The following KCND2 variants were observed in gnomAD, a reference collection of about 807,000 sequenced individuals.
The protein encoded by KCND2 is potassium voltage-gated channel subfamily D member 2, also known as A-type voltage-gated potassium channel KCND2.
KCND2 carries 16 observed loss-of-function variants against 54.4 expected under a neutral mutation model. The observed-to-expected ratio is 0.29, with a 90% CI of 0.20 to 0.45. The LOEUF is 0.45. Ranked by LOEUF, KCND2 falls within the 20% of genes least tolerant of loss-of-function variation. KCND2 has a pLI of 1.00. For synonymous variants in KCND2, 317 were observed against 310.7 expected, an observed-to-expected ratio of 1.02 and a Z score of -0.21; for missense variants, 486 against 824.2, an observed-to-expected ratio of 0.59 and a Z score of 5.02.
At chr7:120,674,876 G>A (rs1388763068) in intron 1 of KCND2, among the ~76,000 whole-genome samples, 1 of 152,082 alleles carries the variant, frequency 6.6e-6, no homozygotes, top group Non-Finnish European at 1.5e-5. Flanking sequence ...AAATAGTAAA[G>A]TATACCTTTG....
At chr7:120,276,552 T>A (rs910129337) in intron 1 of KCND2, among the ~76,000 whole-genome samples, 1 of 152,182 alleles carries the variant, frequency 6.6e-6, no homozygotes, top group Non-Finnish European at 1.5e-5. Flanking sequence ...GTAAGATTGA[T>A]GGTCACCAAG....
At position 120,480,837 on chromosome 7, in the gene KCND2, G is replaced by A. The variant is rs574162521; in HGVS notation, c.1115+205090G>A. On this transcript the variant is annotated intron_variant, in intron 1 of 5. Transcript: ENST00000331113. ...AGAAAATAAACTAAGAAAGAACATC[G>A]GTACCAAGAAGTGGGGCTGTTGCTA... 4.5e-4 allele frequency among the ~76,000 whole-genome samples: 69 copies of A among 152,232 alleles called. No individual in the cohort carries two copies. In the South Asian group the frequency reaches 7.1e-3, roughly 16 times the overall value.
chr7:120,349,119 T>A (rs576016517), intron 1 of KCND2, among the ~76,000 whole-genome samples: 2 of 152,180 alleles, frequency 1.3e-5, no homozygotes, highest in African/African-American at 4.8e-5. Context: ...GGGAAACTTA[T>A]ACTACTTGCA....
intron 1 of KCND2, among the ~76,000 whole-genome samples, chr7:120,439,993 AT>A (rs1227071415): frequency 2.0e-5 from 3 of 152,006 alleles, no homozygotes; most frequent in African/African-American, 7.2e-5. Context: ...TACTGATTTC[AT>A]TTCCTTTGGA....
chr7:120,366,367 C>T (rs1016830344), intron 1 of KCND2, among the ~76,000 whole-genome samples: 1 of 151,328 alleles, frequency 6.6e-6, no homozygotes, highest in African/African-American at 2.4e-5. Context: ...TGCCTGTATT[C>T]TCAGCTGCTA....
At chr7:120,334,709 C>T (rs1428464059) in intron 1 of KCND2, among the ~76,000 whole-genome samples, 1 of 152,130 alleles carries the variant, frequency 6.6e-6, no homozygotes. Context: ...ATATATTTCA[C>T]CTCATCTTAA....
chr7:120,455,228 A>G (rs902774258), intron 1 of KCND2, among the ~76,000 whole-genome samples: 6 of 152,200 alleles, frequency 3.9e-5, no homozygotes, highest in Non-Finnish European at 8.8e-5. Flanking sequence ...TGAATACCCA[A>G]GTTAATTCTA....
At chr7:120,365,396 A>G (rs1056555494) in intron 1 of KCND2, among the ~76,000 whole-genome samples, 4 of 152,140 alleles carry the variant, frequency 2.6e-5, no homozygotes, top group East Asian at 1.9e-4. Context: ...GTAGCAATCT[A>G]GCAGGTTTTT....
intron 1 of KCND2, among the ~76,000 whole-genome samples, chr7:120,339,161 G>C (rs577762861): frequency 6.6e-6 from 1 of 151,772 alleles, no homozygotes; most frequent in South Asian, 2.1e-4. Context: ...AAAGTGCTGG[G>C]ATTACAGGTG....
chr7:120,604,543 TA>T (rs1562885826), intron 1 of KCND2, among the ~76,000 whole-genome samples: 4 of 146,890 alleles, frequency 2.7e-5, no homozygotes, highest in Non-Finnish European at 6.0e-5. Context: ...ATAATAATAA[TA>T]ATAATAATAT....
chr7:120,526,931 A>G (rs1791783866), intron 1 of KCND2, among the ~76,000 whole-genome samples: 2 of 152,270 alleles, frequency 1.3e-5, no homozygotes, highest in South Asian at 4.1e-4. Flanking sequence ...CTTCCTTATA[A>G]CTGGAATGAC....
rs139612931 is a variant in KCND2 at position 120,699,003 on chromosome 7, G to A, written c.1116-33900G>A. Among the ~76,000 whole-genome samples, 828 of 152,188 alleles carry A rather than the reference G, an allele frequency of 5.4e-3. 5 individuals carry two copies. The highest frequency in any genetic ancestry group is 0.016 in the African/African-American group (659 of 41,520). The stretch of plus-strand genomic sequence containing the variant: ...ACATGAAAATGGTATTAAATCAGCC[G>A]GGCACGGTGGCTCACGCCTGTAATC... On this transcript the variant is annotated intron_variant, in intron 1 of 5. Coordinates refer to ENST00000331113, the MANE Select transcript of KCND2 (RefSeq NM_012281.3).
At chr7:120,405,049 T>C (rs1248228796) in intron 1 of KCND2, among the ~76,000 whole-genome samples, 1 of 152,150 alleles carries the variant, frequency 6.6e-6, no homozygotes, top group Non-Finnish European at 1.5e-5. Flanking sequence ...GTTAACAAGA[T>C]AATGAAGAAA....
At position 120,725,786 on chromosome 7, in the gene KCND2, A is replaced by G. The variant is rs1021444652; in HGVS notation, c.1116-7117A>G. On this transcript the variant is annotated intron_variant, in intron 1 of 5. Transcript: ENST00000331113. ...AGTATTCAAATGAGAAGTTTTAAACATTATTTGGGCTATAACACTTTGGAT... is the reference window on the plus strand; with the variant it reads ...AGTATTCAAATGAGAAGTTTTAAACGTTATTTGGGCTATAACACTTTGGAT... Among the ~76,000 whole-genome samples the G allele has an allele frequency of 4.6e-5, 7 of 152,296 alleles. 1 individual carries two copies. The highest frequency in any genetic ancestry group is 4.6e-4 in the Admixed American group (7 of 15,290).
chr7:120,620,525 T>G (rs1793085044), intron 1 of KCND2, among the ~76,000 whole-genome samples: 1 of 152,202 alleles, frequency 6.6e-6, no homozygotes, highest in Admixed American at 6.5e-5. Context: ...AACCAAAATA[T>G]CCTGATACAA....
At chr7:120,410,743 G>A (rs35592779) in intron 1 of KCND2, among the ~76,000 whole-genome samples, 5,911 of 131,158 alleles carry the variant, frequency 0.045, 167 homozygotes, top group Non-Finnish European at 0.062. Flanking sequence ...TCCCCATCCT[G>A]TATCCAAGTC....
intron 2 of KCND2, 42 bp from the exon 3 acceptor site, chr7:120,741,492 G>T (rs767552627): frequency 1.5e-6 from 2 of 1,347,168 alleles, no homozygotes; most frequent in South Asian, 1.2e-5. Context: ...TTAAGGAAAC[G>T]ATTTATAAAT....
intron 1 of KCND2, among the ~76,000 whole-genome samples, chr7:120,685,170 A>G (rs1792185166): frequency 6.6e-6 from 1 of 152,176 alleles, no homozygotes; most frequent in African/African-American, 2.4e-5. Context: ...AAGTAGCAAC[A>G]TAGATGAGTG....
chr7:120,691,377 G>T (rs761907105), intron 1 of KCND2, among the ~76,000 whole-genome samples: 1 of 152,166 alleles, frequency 6.6e-6, no homozygotes, highest in Non-Finnish European at 1.5e-5. Flanking sequence ...TTGAACCAGG[G>T]TGTTGCCAAA....
Sources: allele counts gnomAD v4.1 joint callset (sites outside exome capture counted in the v4.1 genomes callset), GRCh38; gene constraint gnomAD v4.1.1; transcripts MANE v1.5; gene names NCBI Gene and HGNC (gene_info 2026-07-23, HGNC 2026-07-21).